MTCL2: variants seen among roughly 807,000 people sequenced by gnomAD.
MTCL2 encodes the protein microtubule cross-linking factor 2.
chr20:36,783,157 G>A, the MTCL2 span: 1 of 152,172 alleles, frequency 6.6e-6, no homozygotes, highest in African/African-American at 2.4e-5. Flanking sequence ...GTAGAAGAGT[G>A]CACCTGGGGA....
At chr20:36,793,333 C>T in the MTCL2 span, 1 of 1,551,738 alleles carries the variant, frequency 6.4e-7, no homozygotes, top group Non-Finnish European at 8.7e-7. This position sits in a 1 kb window ranked among gnomAD's most constrained non-coding sequence, Gnocchi z 6.8. Context: ...GTCTGACCTC[C>T]TCACTGCTGC....
chr20:36,834,204 C>T, the MTCL2 span, among the ~76,000 whole-genome samples: 1 of 151,546 alleles, frequency 6.6e-6, no homozygotes, highest in South Asian at 2.1e-4. Context: ...CATCCCCTGG[C>T]CAGGCAGCAT....
the MTCL2 span, among the ~76,000 whole-genome samples, chr20:36,861,243 C>T: frequency 6.6e-6 from 1 of 152,192 alleles, no homozygotes; most frequent in Non-Finnish European, 1.5e-5. Flanking sequence ...TCACCTTCCA[C>T]TTGCCCTCTC....
chr20:36,783,957 C>G, the MTCL2 span: 1 of 985,572 alleles, frequency 1.0e-6, no homozygotes, highest in Non-Finnish European at 1.2e-6. Flanking sequence ...TGGCCTTGCA[C>G]AGTGGCATGC....
At chr20:36,844,005 A>C in the MTCL2 span, among the ~76,000 whole-genome samples, 3 of 152,160 alleles carry the variant, frequency 2.0e-5, no homozygotes, top group African/African-American at 7.2e-5. Context: ...TGGGAGGCCA[A>C]GGCCGGCAGA....
At chr20:36,815,237 G>A in the MTCL2 span, 23 of 1,613,890 alleles carry the variant, frequency 1.4e-5, no homozygotes, top group South Asian at 9.9e-5. This position sits in a 1 kb window ranked among gnomAD's most constrained non-coding sequence, Gnocchi z 5.3. Context: ...CAGAGCACCC[G>A]AGGACTGCAT....
the MTCL2 span, chr20:36,805,043 AC>A: frequency 1.1e-6 from 1 of 903,108 alleles, no homozygotes; most frequent in Non-Finnish European, 1.6e-6. Flanking sequence ...AGGTCATCTC[AC>A]CCATAAAATG....
the MTCL2 span, among the ~76,000 whole-genome samples, chr20:36,845,491 C>T: frequency 6.6e-6 from 1 of 152,278 alleles, no homozygotes; most frequent in Non-Finnish European, 1.5e-5. Context: ...GGGCTAGTCC[C>T]AGCTGCAGGC....
At chr20:36,830,434 G>A in the MTCL2 span, among the ~76,000 whole-genome samples, 1 of 152,080 alleles carries the variant, frequency 6.6e-6, no homozygotes, top group South Asian at 2.1e-4. Context: ...TTGGCATGGT[G>A]GCACACACCT....
chr20:36,798,133 G>A, the MTCL2 span, among the ~76,000 whole-genome samples: 1 of 151,552 alleles, frequency 6.6e-6, no homozygotes, highest in Non-Finnish European at 1.5e-5. Context: ...GCTGTGGTAC[G>A]ATCGCAGCTC....
At chr20:36,845,462 G>A in the MTCL2 span, among the ~76,000 whole-genome samples, 2 of 152,256 alleles carry the variant, frequency 1.3e-5, no homozygotes, top group African/African-American at 2.4e-5. Flanking sequence ...TCTCTCCAGG[G>A]GGGCCTAGGC....
the MTCL2 span, among the ~76,000 whole-genome samples, chr20:36,848,949 A>C: frequency 6.6e-6 from 1 of 152,028 alleles, no homozygotes; most frequent in Admixed American, 6.6e-5. Flanking sequence ...CAGTAGTTTG[A>C]AATTATGCTA....
the MTCL2 span, among the ~76,000 whole-genome samples, chr20:36,823,912 G>T: frequency 6.6e-6 from 1 of 152,162 alleles, no homozygotes; most frequent in Non-Finnish European, 1.5e-5. Flanking sequence ...TGGAAAAAAG[G>T]CAGAACCGGG....
chr20:36,802,984 GC>G, the MTCL2 span: 1 of 1,593,122 alleles, frequency 6.3e-7, no homozygotes, highest in Non-Finnish European at 8.5e-7. Flanking sequence ...TGCCGAGTCA[GC>G]TCCATGACAG....
chr20:36,810,419 T>C, the MTCL2 span, among the ~76,000 whole-genome samples: 3 of 152,198 alleles, frequency 2.0e-5, no homozygotes, highest in South Asian at 4.1e-4. Flanking sequence ...TTGTTTATAA[T>C]TGCAATATTT....
At chr20:36,793,766 T>G in the MTCL2 span, 1 of 1,541,340 alleles carries the variant, frequency 6.5e-7, no homozygotes, top group Non-Finnish European at 8.7e-7. The surrounding 1 kb of genome is among the most constrained non-coding windows in gnomAD (Gnocchi z 6.8). Context: ...TGGTGAGCCA[T>G]ACTTGGGGGA....
chr20:36,814,925 G>T, the MTCL2 span, among the ~76,000 whole-genome samples: 1 of 152,110 alleles, frequency 6.6e-6, no homozygotes, highest in Non-Finnish European at 1.5e-5. Context: ...GCTGGGTGTG[G>T]TGGTGCTCAC....
chr20:36,794,976 T>C, the MTCL2 span, among the ~76,000 whole-genome samples: 3 of 151,788 alleles, frequency 2.0e-5, no homozygotes, highest in Non-Finnish European at 4.4e-5. This position sits in a 1 kb window ranked among gnomAD's most constrained non-coding sequence, Gnocchi z 5.4. Flanking sequence ...TCTTGTTCTG[T>C]CACCCAGGCT....
the MTCL2 span, among the ~76,000 whole-genome samples, chr20:36,807,007 T>C: frequency 6.6e-6 from 1 of 152,200 alleles, no homozygotes; most frequent in Non-Finnish European, 1.5e-5. Context: ...TCCAGAGGCC[T>C]GTGAGACTTC....
Sources: allele counts gnomAD v4.1 joint callset (sites outside exome capture counted in the v4.1 genomes callset), GRCh38; gene constraint gnomAD v4.1.1; non-coding constraint Gnocchi (gnomAD v3.1); transcripts MANE v1.5; gene names NCBI Gene and HGNC (gene_info 2026-07-23, HGNC 2026-07-21).